NALF1: variants seen among roughly 807,000 people sequenced by gnomAD.
NALF1 encodes family with sequence similarity 155 member A.
Under a neutral mutation model 48.4 loss-of-function variants are expected in NALF1, and 3 were observed. The observed-to-expected ratio is 0.06, with a 90% CI of 0.03 to 0.16. The LOEUF (loss-of-function observed/expected upper bound fraction) is 0.16. Ranked by LOEUF, NALF1 falls within the 10% of genes least tolerant of loss-of-function variation. The pLI is 1.00. For missense variants in NALF1, 526 were observed against 571.5 expected, an observed-to-expected ratio of 0.92 and a Z score of 0.81; for synonymous variants, 262 against 245.7, an observed-to-expected ratio of 1.07 and a Z score of -0.62.
At chr13:107,798,238 T>C (rs920813493) in intron 1 of NALF1, among the ~76,000 whole-genome samples, 3 of 152,200 alleles carry the variant, frequency 2.0e-5, no homozygotes, top group Non-Finnish European at 2.9e-5. Flanking sequence ...TGTATTTTCT[T>C]GTCCTTTGCA....
chr13:107,261,615 GA>G (rs939147167), intron 1 of NALF1, among the ~76,000 whole-genome samples: 23 of 152,206 alleles, frequency 1.5e-4, no homozygotes, highest in African/African-American at 5.5e-4. Context: ...TATTTTTATG[GA>G]CAGCATGATG....
intron 1 of NALF1, among the ~76,000 whole-genome samples, chr13:107,744,404 A>T (rs919534794): frequency 6.6e-5 from 10 of 150,540 alleles, no homozygotes; most frequent in Middle Eastern, 3.4e-3. Context: ...GAAGTGTTTT[A>T]AAAAAAAATG....
chr13:107,582,699 C>A (rs1039907081), intron 1 of NALF1, among the ~76,000 whole-genome samples: 2 of 152,050 alleles, frequency 1.3e-5, no homozygotes, highest in Non-Finnish European at 2.9e-5. Context: ...TGAAATATTT[C>A]TTGTACTTTT....
rs34303743 is a variant in NALF1 at position 107,455,863 on chromosome 13, C to CT, written c.916-245109dup. ...TGTGTCTTTTCTTAGCTCGATAACTCTTTTTTTTTTTTAAGTGCTGAATAT... is the reference window on the plus strand; with the variant it reads ...TGTGTCTTTTCTTAGCTCGATAACTCTTTTTTTTTTTTTAAGTGCTGAATAT... On this transcript the variant is annotated intron_variant, in intron 1 of 2. Transcript: ENST00000375915. Among the ~76,000 whole-genome samples the CT allele has an allele frequency of 2.3e-3, 342 of 146,096 alleles. 4 individuals are homozygous for CT. The highest frequency in any genetic ancestry group is 7.3e-3 in the African/African-American group (294 of 40,286).
chr13:107,832,029 A>G (rs1879748518), intron 1 of NALF1, among the ~76,000 whole-genome samples: 1 of 152,176 alleles, frequency 6.6e-6, no homozygotes, highest in Admixed American at 6.5e-5. Context: ...CATGAAGTCC[A>G]TATTGTCCTT....
intron 1 of NALF1, among the ~76,000 whole-genome samples, chr13:107,721,614 C>G (rs907616647): frequency 1.3e-5 from 2 of 152,178 alleles, no homozygotes; most frequent in African/African-American, 2.4e-5. Context: ...TCCCCTTTGA[C>G]GGGATTTCCC....
chr13:107,726,341 T>C (rs1251910586), intron 1 of NALF1, among the ~76,000 whole-genome samples: 2 of 152,156 alleles, frequency 1.3e-5, no homozygotes, highest in Non-Finnish European at 2.9e-5. Context: ...TCTTCTCATT[T>C]TTCTTCTTAA....
intron 1 of NALF1, among the ~76,000 whole-genome samples, chr13:107,212,503 A>G (rs1298797401): frequency 6.6e-6 from 1 of 152,222 alleles, no homozygotes; most frequent in Non-Finnish European, 1.5e-5. Context: ...CCAGGAGGAC[A>G]GCAAGAGGCT....
At chr13:107,860,232 T>C (rs915281157) in intron 1 of NALF1, among the ~76,000 whole-genome samples, 9 of 152,178 alleles carry the variant, frequency 5.9e-5, no homozygotes, top group Non-Finnish European at 1.2e-4. Context: ...TCACTTCTCA[T>C]GCACTTCCTC....
At chr13:107,744,656 C>T (rs1407966660) in intron 1 of NALF1, among the ~76,000 whole-genome samples, 1 of 152,168 alleles carries the variant, frequency 6.6e-6, no homozygotes, top group Non-Finnish European at 1.5e-5. Flanking sequence ...AATTTGATTT[C>T]CCAAGAAGGT....
At chr13:107,623,430 CAG>C (rs1879581311) in intron 1 of NALF1, among the ~76,000 whole-genome samples, 1 of 147,662 alleles carries the variant, frequency 6.8e-6, no homozygotes, top group Non-Finnish European at 1.5e-5. Context: ...GGCTTGGAAA[CAG>C]AGTAAAGAAA....
At chr13:107,255,368 AC>A (rs2138848611) in intron 1 of NALF1, among the ~76,000 whole-genome samples, 1 of 152,176 alleles carries the variant, frequency 6.6e-6, no homozygotes, top group African/African-American at 2.4e-5. Context: ...TACTGAAATA[AC>A]CCCTTTTAAA....
At chr13:107,333,720 T>G (rs142317002) in intron 1 of NALF1, among the ~76,000 whole-genome samples, 1 of 152,354 alleles carries the variant, frequency 6.6e-6, no homozygotes, top group East Asian at 1.9e-4. Context: ...AATGCATTAC[T>G]AATGTATAGT....
In NALF1 at chr13:107,213,246, A is replaced by AAAAAG. The variant is rs1555326876; in HGVS notation, c.916-2496_916-2492dup. ...TTTTTAACTCAAAAAAAAAAAAAAA[A>AAAAAG]AAAAGAAAAGAAAAAGAAACTAGTA... On this transcript the variant is annotated intron_variant, in intron 1 of 2. Coordinates refer to ENST00000375915, the MANE Select transcript of NALF1 (RefSeq NM_001080396.3). 1.5e-3 allele frequency among the ~76,000 whole-genome samples: 228 copies of AAAAAG among 148,870 alleles called. 1 individual carries two copies. The highest frequency in any genetic ancestry group is 7.7e-3 in the South Asian group (36 of 4,690).
intron 1 of NALF1, among the ~76,000 whole-genome samples, chr13:107,811,322 A>G (rs1420524425): frequency 1.3e-5 from 2 of 152,152 alleles, no homozygotes; most frequent in African/African-American, 4.8e-5. Flanking sequence ...AAATTCTACC[A>G]AACCATCAAA....
chr13:107,467,156 C>A lies in NALF1; in HGVS notation c.916-256401G>T, dbSNP rs1021139745. Among the ~76,000 whole-genome samples, 6 of 152,072 alleles carry A rather than the reference C, an allele frequency of 3.9e-5. No individual in the cohort carries two copies. The South Asian group carries it at 1.0e-3, about 26-fold the overall frequency. On this transcript the variant is annotated intron_variant, in intron 1 of 2. Coordinates refer to ENST00000375915, the MANE Select transcript of NALF1 (RefSeq NM_001080396.3). ...TGAAATGTATATATGAATTCTTGAT[C>A]GACATTTTAATACATGTTGGTAGTC...
intron 1 of NALF1, among the ~76,000 whole-genome samples, chr13:107,837,700 C>G (rs569943263): frequency 6.6e-6 from 1 of 151,198 alleles, no homozygotes. Context: ...TCCCAGGAGT[C>G]AGCGTGACAT....
rs1199162858 is a variant in NALF1 at position 107,782,796 on chromosome 13, G to C, written c.915+82886C>G. On this transcript the variant is annotated intron_variant, in intron 1 of 2. Transcript: ENST00000375915. ...TCTGCCCAGCCGCCCCATCTGAGAA[G>C]GGAGGAGCCCCTCCGCTTGGCAACC... Among the ~76,000 whole-genome samples, 4 of 151,754 alleles carry C rather than the reference G, an allele frequency of 2.6e-5. 1 individual carries two copies. The highest frequency in any genetic ancestry group is 5.9e-5 in the Non-Finnish European group (4 of 67,908).
chr13:107,555,161 G>A (rs1040894057), intron 1 of NALF1, among the ~76,000 whole-genome samples: 4 of 151,804 alleles, frequency 2.6e-5, no homozygotes, highest in Admixed American at 1.3e-4. Context: ...TTCACCACCC[G>A]AACCACGAGA....
Sources: allele counts gnomAD v4.1 joint callset (sites outside exome capture counted in the v4.1 genomes callset), GRCh38; gene constraint gnomAD v4.1.1; transcripts MANE v1.5; gene names NCBI Gene and HGNC (gene_info 2026-07-23, HGNC 2026-07-21).